ALG9: variants seen among roughly 807,000 people sequenced by gnomAD.
ALG9 encodes ALG9 alpha-1,2-mannosyltransferase.
Under a neutral mutation model 81.8 loss-of-function variants are expected in ALG9, and 55 were observed. The ratio of observed to expected loss-of-function variants is 0.67; its 90% CI spans 0.54 to 0.84. The LOEUF (loss-of-function observed/expected upper bound fraction) is 0.84, where lower values mean the gene tolerates loss of function less well. Ranked by LOEUF, ALG9 falls within the 40% of genes least tolerant of loss-of-function variation. ALG9 has a pLI of 0.00. For synonymous variants in ALG9, 278 were observed against 274.3 expected, an observed-to-expected ratio of 1.01 and a Z score of -0.13; for missense variants, 629 against 745.0, an observed-to-expected ratio of 0.84 and a Z score of 1.81.
At chr11:111,834,036 G>A (rs1052635175) in intron 13 of ALG9, among the ~76,000 whole-genome samples, 1 of 152,182 alleles carries the variant, frequency 6.6e-6, no homozygotes, top group Non-Finnish European at 1.5e-5. Flanking sequence ...CACCGTCCTA[G>A]ACACTATGGT....
At chr11:111,812,915 C>CAAAAAAAA (rs57311061) in intron 13 of ALG9, among the ~76,000 whole-genome samples, 1,125 of 98,476 alleles carry the variant, frequency 0.011, 75 homozygotes, top group Middle Eastern at 0.026. Context: ...GACTCTGTCT[C>CAAAAAAAA]AAAAAAAAAA....
chr11:111,826,791 T>C (rs916026962), intron 13 of ALG9, among the ~76,000 whole-genome samples: 12 of 152,124 alleles, frequency 7.9e-5, no homozygotes, highest in Admixed American at 7.9e-4. Context: ...CCTTTGGCAA[T>C]CTCCTCTCCT....
At chr11:111,825,076 CT>C (rs1423061253) in intron 13 of ALG9, among the ~76,000 whole-genome samples, 1 of 152,178 alleles carries the variant, frequency 6.6e-6, no homozygotes, top group Non-Finnish European at 1.5e-5. Flanking sequence ...GACATGATCC[CT>C]GTTCTCCAGG....
intron 14 of ALG9, among the ~76,000 whole-genome samples, chr11:111,795,893 C>T (rs1286417418): frequency 2.3e-4 from 35 of 152,204 alleles, no homozygotes; most frequent in Non-Finnish European, 1.5e-5. Context: ...ATGCTCTTCA[C>T]CAGTCTTTTT....
At chr11:111,809,545 C>G in intron 14 of ALG9, 98 bp downstream of exon 14, 1 of 1,364,722 alleles carries the variant, frequency 7.3e-7, no homozygotes. Context: ...CACACGATGG[C>G]TACTAGAGTC....
At chr11:111,810,347 C>A (rs1399193351) in intron 13 of ALG9, among the ~76,000 whole-genome samples, 1 of 152,112 alleles carries the variant, frequency 6.6e-6, no homozygotes, top group Non-Finnish European at 1.5e-5. Context: ...TTTGTTAATA[C>A]TATGTATTAC....
intron 6 of ALG9, among the ~76,000 whole-genome samples, chr11:111,855,786 A>G (rs1258850572): frequency 6.6e-6 from 1 of 152,238 alleles, no homozygotes; most frequent in African/African-American, 2.4e-5. Context: ...AGTACAGAAG[A>G]GGACCTAAGA....
At chr11:111,793,398 G>A (rs557122661) in intron 14 of ALG9, among the ~76,000 whole-genome samples, 33 of 152,226 alleles carry the variant, frequency 2.2e-4, no homozygotes, top group African/African-American at 7.2e-4. Context: ...AGCATAACTG[G>A]GGCATTTTGA....
rs1555059305 is a variant in ALG9, at chr11:111,783,843, T to C, written c.*2554A>G. Reference sequence around the variant, plus strand: ...ATCCAAAATCAGGTTTTAAAAGTGATAGGAACTGATATTTCCAAGGAATCC... The same window carrying C: ...ATCCAAAATCAGGTTTTAAAAGTGACAGGAACTGATATTTCCAAGGAATCC... On this transcript the variant is annotated 3_prime_UTR_variant, in exon 15 of 15. Coordinates refer to ENST00000616540, the MANE Select transcript of ALG9 (RefSeq NM_024740.2). 1 of 151,682 alleles carries C rather than the reference T, an allele frequency of 6.6e-6. No homozygotes were observed. The highest frequency in any genetic ancestry group is 1.5e-5 in the Non-Finnish European group (1 of 67,978). 9.4% of individuals were successfully genotyped at this position (151,682 alleles called of 1,614,324 possible). A position where few individuals can be genotyped will look rare whatever the true frequency, so the allele number is the denominator to read the frequency against.
At chr11:111,771,115 G>C in the ALG9 span, 1 of 152,388 alleles carries the variant, frequency 6.6e-6, no homozygotes, top group South Asian at 2.1e-4. Flanking sequence ...CACATTAACA[G>C]CTCTCAAAGT....
intron 14 of ALG9, among the ~76,000 whole-genome samples, chr11:111,792,321 T>C (rs1285444522): frequency 1.3e-5 from 2 of 152,194 alleles, no homozygotes; most frequent in Non-Finnish European, 2.9e-5. Flanking sequence ...ATATAGTAAA[T>C]GCTGAAAAAC....
intron 1 of ALG9, 150 bp downstream of exon 1, chr11:111,871,202 A>G: frequency 1.5e-6 from 2 of 1,303,222 alleles, no homozygotes; most frequent in African/African-American, 1.6e-5. Context: ...GCCCAGGAAG[A>G]CCAATAGGAC....
rs782707760 is a variant in ALG9 at position 111,809,657 on chromosome 11, G to T, written c.1719C>A (p.Phe573Leu). 2.5e-6 allele frequency: 4 copies of T among 1,613,954 alleles called. No homozygotes were observed. In the African/African-American group the frequency reaches 4.0e-5, roughly 16 times the overall value. ...AAGCCACATACCTAGAAGCATCAAGGAATGGTCTATAGGCCAAGCTGATCC... is the reference window on the plus strand; with the variant it reads ...AAGCCACATACCTAGAAGCATCAAGTAATGGTCTATAGGCCAAGCTGATCC... ...EEWISLAYRP[F>L]LDASRSSKLL... The change falls in exon 14 of 15, where the codon TTC (phenylalanine) becomes TTA (leucine). Residue 573 changes from phenylalanine to leucine, a missense_variant. Phe to Leu is a conservative substitution (Grantham distance 22). Coordinates refer to ENST00000616540, the MANE Select transcript of ALG9 (RefSeq NM_024740.2).
intron 14 of ALG9, 116 bp downstream of exon 14, chr11:111,809,517 TACACACACAC>T (rs4026119): frequency 3.2e-6 from 3 of 939,592 alleles, no homozygotes; most frequent in South Asian, 1.5e-5. Flanking sequence ...GAGACTCCAT[TACACACACAC>T]ACACACACAC....
chr11:111,861,303 C>A (rs570264514), intron 4 of ALG9, among the ~76,000 whole-genome samples: 1 of 152,232 alleles, frequency 6.6e-6, no homozygotes, highest in African/African-American at 2.4e-5. Flanking sequence ...GACATACCCA[C>A]GTGTTCATCA....
In ALG9 at chr11:111,837,590, A is replaced by G. The variant is rs782783433; in HGVS notation, c.1350T>C (p.Tyr450=). The change falls in exon 12 of 15, where the codon TAT becomes TAC. Residue 450 remains tyrosine, a synonymous_variant. Coordinates refer to ENST00000616540, the MANE Select transcript of ALG9 (RefSeq NM_024740.2). ...CTGTAGCAATTCGGTAAAATTCTGG[A>G]TACAAATCAAGGGGCCCGTGATATC... ...FRGYHGPLDL[Y]PEFYRIATDP... is the part of the protein sequence containing the mutation. 86 of 1,614,010 alleles carry G rather than the reference A, an allele frequency of 5.3e-5. No homozygotes were observed. Among genetic ancestry groups the G allele is most frequent in the Non-Finnish European group, 6.5e-5 (77 of 1,179,988 alleles).
chr11:111,816,857 G>C (rs1241954829), intron 13 of ALG9, among the ~76,000 whole-genome samples: 3 of 152,180 alleles, frequency 2.0e-5, no homozygotes, highest in Admixed American at 2.0e-4. Context: ...ACCACACCCA[G>C]CCCCAAGTCA....
rs782532529 is a variant in ALG9 at position 111,853,742 on chromosome 11, T to G, written c.702-6A>C. 6.2e-7 allele frequency: 1 copy of G among 1,611,672 alleles called. No homozygotes were observed. Among genetic ancestry groups the G allele is most frequent in the South Asian group, 1.1e-5 (1 of 91,038 alleles). On this transcript the variant is annotated splice_region_variant and splice_polypyrimidine_tract_variant and intron_variant, in intron 6 of 14. Coordinates refer to ENST00000616540, the MANE Select transcript of ALG9 (RefSeq NM_024740.2). ...AATCAAAGGCAATGGGTAAACTATT[T>G]AACAGAGAAACAGAGCGGGGAGTTA... is the stretch of plus-strand genomic sequence containing the variant.
intron 13 of ALG9, among the ~76,000 whole-genome samples, chr11:111,815,228 G>T (rs1164638997): frequency 6.6e-6 from 1 of 152,006 alleles, no homozygotes; most frequent in African/African-American, 2.4e-5. Flanking sequence ...GTGACAGCTC[G>T]TCTCTACAAA....
Sources: allele counts gnomAD v4.1 joint callset (sites outside exome capture counted in the v4.1 genomes callset), GRCh38; gene constraint gnomAD v4.1.1; transcripts MANE v1.5; gene names NCBI Gene and HGNC (gene_info 2026-07-23, HGNC 2026-07-21).